The following CDK17 variants were observed in gnomAD, a reference collection of about 807,000 sequenced individuals.
CDK17 encodes the protein cyclin-dependent kinase 17.
Under a neutral mutation model 77.6 loss-of-function variants are expected in CDK17, and 24 were observed. The ratio of observed to expected loss-of-function variants is 0.31; its 90% CI spans 0.22 to 0.44. CDK17 has a LOEUF of 0.44. Among genes scored for constraint, CDK17 ranks in the 20% least tolerant of loss-of-function variants. The pLI is 1.00. For synonymous variants in CDK17, 203 were observed against 210.4 expected, an observed-to-expected ratio of 0.96 and a Z score of 0.30; for missense variants, 429 against 622.5, an observed-to-expected ratio of 0.69 and a Z score of 3.31.
chr12:96,364,967 T>G (rs1953559076), intron 1 of CDK17, among the ~76,000 whole-genome samples: 2 of 152,160 alleles, frequency 1.3e-5, no homozygotes, highest in African/African-American at 4.8e-5. Context: ...ACCAGGAAAT[T>G]TTCAGACACT....
intron 3 of CDK17, among the ~76,000 whole-genome samples, chr12:96,316,015 G>C (rs868247435): frequency 1.3e-5 from 2 of 152,170 alleles, no homozygotes; most frequent in African/African-American, 2.4e-5. Context: ...CGCAGAAGAC[G>C]GGTGATTTCT....
chr12:96,324,488 C>T lies in CDK17; in HGVS notation c.119-376G>A, dbSNP rs954406983. 2.0e-5 allele frequency among the ~76,000 whole-genome samples: 3 copies of T among 152,260 alleles called. No homozygotes were observed. The East Asian group carries it at 5.8e-4, about 29-fold the overall frequency. ...TGTGCCTTATTTTAAGCATGCTTGG[C>T]TGGGTGCATGGCTCACACCTGTAAT... On this transcript the variant is annotated intron_variant, in intron 2 of 16. Coordinates refer to ENST00000261211, the MANE Select transcript of CDK17 (RefSeq NM_002595.5).
intron 15 of CDK17, chr12:96,282,284 A>C: frequency 2.3e-6 from 1 of 434,498 alleles, no homozygotes; most frequent in Middle Eastern, 3.4e-4. Flanking sequence ...TTGCCTAAGT[A>C]CTATTGGTTT....
intron 1 of CDK17, among the ~76,000 whole-genome samples, chr12:96,397,589 A>T (rs1565851786): frequency 6.6e-6 from 1 of 152,152 alleles, no homozygotes; most frequent in African/African-American, 2.4e-5. Context: ...CTACATTTAC[A>T]TTTTTTTCTC....
intron 1 of CDK17, among the ~76,000 whole-genome samples, chr12:96,346,126 T>C (rs1953207136): frequency 6.6e-6 from 1 of 152,112 alleles, no homozygotes; most frequent in South Asian, 2.1e-4. Context: ...AAGACCAGCC[T>C]GGCCAACATG....
At chr12:96,307,078 C>T (rs1316488847) in intron 5 of CDK17, among the ~76,000 whole-genome samples, 2 of 152,012 alleles carry the variant, frequency 1.3e-5, no homozygotes, top group African/African-American at 2.4e-5. Flanking sequence ...GGAGGATCAC[C>T]TGAGATGGGG....
chr12:96,290,254 T>C (rs562000449), intron 10 of CDK17, among the ~76,000 whole-genome samples: 19 of 152,210 alleles, frequency 1.2e-4, no homozygotes, highest in Non-Finnish European at 2.1e-4. Flanking sequence ...CTTGAGTCAC[T>C]AGTGTGAGAG....
intron 1 of CDK17, among the ~76,000 whole-genome samples, chr12:96,375,510 C>CTTT (rs34451499): frequency 1.7e-4 from 17 of 101,588 alleles, no homozygotes; most frequent in Admixed American, 3.6e-4. Flanking sequence ...TGATCCTAAC[C>CTTT]TTTTTTTTTT....
At chr12:96,360,063 C>T (rs1333783905) in intron 1 of CDK17, among the ~76,000 whole-genome samples, 1 of 152,178 alleles carries the variant, frequency 6.6e-6, no homozygotes, top group East Asian at 1.9e-4. Context: ...GAGCCTATAA[C>T]ATGCACTATG....
chr12:96,366,192 C>A (rs912513539), intron 1 of CDK17, among the ~76,000 whole-genome samples: 2 of 152,160 alleles, frequency 1.3e-5, no homozygotes, highest in Non-Finnish European at 2.9e-5. Context: ...TAAATGATAT[C>A]AAGTTATTTA....
intron 10 of CDK17, among the ~76,000 whole-genome samples, chr12:96,294,308 C>T (rs145822718): frequency 3.9e-4 from 59 of 152,100 alleles, no homozygotes; most frequent in African/African-American, 9.9e-4. Context: ...AATACAATGA[C>T]GGCCTGGGCA....
intron 1 of CDK17, among the ~76,000 whole-genome samples, chr12:96,348,931 A>T (rs1953269883): frequency 6.6e-6 from 1 of 152,194 alleles, no homozygotes; most frequent in Admixed American, 6.6e-5. Context: ...AGGGGGTAAC[A>T]CTTCTTGACT....
At chr12:96,339,452 G>T (rs1953092044) in intron 1 of CDK17, among the ~76,000 whole-genome samples, 1 of 151,890 alleles carries the variant, frequency 6.6e-6, no homozygotes, top group South Asian at 2.1e-4. Flanking sequence ...GATGGAAAAT[G>T]GTGATAGATG....
At chr12:96,378,067 A>G (rs956415389) in intron 1 of CDK17, among the ~76,000 whole-genome samples, 2 of 152,186 alleles carry the variant, frequency 1.3e-5, no homozygotes, top group African/African-American at 4.8e-5. Flanking sequence ...GTTCCCTTAA[A>G]CCACACACTC....
At chr12:96,315,107 C>T (rs1448779397) in intron 3 of CDK17, among the ~76,000 whole-genome samples, 3 of 152,084 alleles carry the variant, frequency 2.0e-5, no homozygotes, top group Non-Finnish European at 4.4e-5. Context: ...AAGGAATGGC[C>T]TAGATAACTA....
intron 1 of CDK17, among the ~76,000 whole-genome samples, chr12:96,398,080 AAAT>A (rs1349397765): frequency 6.6e-6 from 1 of 152,232 alleles, no homozygotes; most frequent in South Asian, 2.1e-4. Flanking sequence ...CTGTAAAAAT[AAAT>A]AATAACCTAT....
In CDK17 at chr12:96,286,049, G is replaced by T; in HGVS notation, c.1316C>A (p.Ala439Glu). The T allele has an allele frequency of 1.3e-6, 2 of 1,531,952 alleles. No individual in the cohort carries two copies. The highest frequency in any genetic ancestry group is 9.0e-7 in the Non-Finnish European group (1 of 1,115,464). 94.9% of individuals were successfully genotyped at this position (1,531,952 alleles called of 1,614,324 possible). The change falls in exon 13 of 17, where the codon GCA becomes GAA. Residue 439 changes from alanine (A) to glutamate (E), a missense_variant. Around this residue, in one of 4 missense-constraint regions of CDK17, gnomAD observed 115 missense variants for 124.2 expected, o/e 0.93. Transcript: ENST00000261211. ...ACATAAGAAAAAAAAATACCTGGGT[G>T]CGTGGTTAATTAGAGGCTGTGGTTT... Reference protein sequence around the residue: ...KYKPQPLINHAPRLDSEGIEL... With the variant: ...KYKPQPLINHEPRLDSEGIEL...
intron 5 of CDK17, among the ~76,000 whole-genome samples, chr12:96,308,762 A>AATAATAATAATAATAATAATAATC: frequency 6.7e-6 from 1 of 148,994 alleles, no homozygotes; most frequent in South Asian, 2.1e-4. Flanking sequence ...TAATAATAAT[A>AATAATAATAATAATAATAATAATC]ATAATGTAAA....
chr12:96,357,674 A>C (rs1440509898), intron 1 of CDK17, among the ~76,000 whole-genome samples: 1 of 152,204 alleles, frequency 6.6e-6, no homozygotes, highest in Non-Finnish European at 1.5e-5. Context: ...AAGCACTGAG[A>C]GGTTACACCT....
Sources: allele counts gnomAD v4.1 joint callset (sites outside exome capture counted in the v4.1 genomes callset), GRCh38; gene constraint gnomAD v4.1.1; regional missense constraint gnomAD v4.1.1; transcripts MANE v1.5; gene names NCBI Gene and HGNC (gene_info 2026-07-23, HGNC 2026-07-21).